Variants in CHN2 observed in about 807,000 individuals in gnomAD.
The protein encoded by CHN2 is beta-chimaerin.
In CHN2, 35 loss-of-function variants were observed where a neutral mutation model predicts 56.3. That is an observed-to-expected ratio of 0.62 (90% CI 0.47 to 0.82). The LOEUF is 0.82. Ranked by LOEUF, CHN2 falls within the 40% of genes least tolerant of loss-of-function variation. The pLI is 0.00. For synonymous variants in CHN2, 210 were observed against 212.8 expected, an observed-to-expected ratio of 0.99 and a Z score of 0.12; for missense variants, 491 against 580.5, an observed-to-expected ratio of 0.85 and a Z score of 1.58.
intron 6 of CHN2, among the ~76,000 whole-genome samples, chr7:29,423,172 G>A (rs896833929): frequency 6.6e-5 from 10 of 152,186 alleles, no homozygotes; most frequent in Admixed American, 4.6e-4. Context: ...GAGAAAAGAA[G>A]GAAATGACGG....
At chr7:29,481,394 C>T (rs1353212619) in intron 7 of CHN2, among the ~76,000 whole-genome samples, 4 of 152,148 alleles carry the variant, frequency 2.6e-5, no homozygotes, top group South Asian at 2.1e-4. Flanking sequence ...TGTTGCTTTC[C>T]GATCCTTTCT....
intron 3 of CHN2, among the ~76,000 whole-genome samples, chr7:29,392,272 G>A (rs1002017958): frequency 2.0e-5 from 3 of 152,134 alleles, no homozygotes; most frequent in Non-Finnish European, 2.9e-5. Flanking sequence ...TTTGAAAGCC[G>A]AAAGACTGAT....
chr7:29,490,883 T>C (rs1016592735), intron 7 of CHN2, among the ~76,000 whole-genome samples: 2 of 152,200 alleles, frequency 1.3e-5, no homozygotes, highest in African/African-American at 4.8e-5. Flanking sequence ...TTTTGAAAAG[T>C]GTGTGTGTTC....
chr7:29,212,782 T>C, intron 1 of CHN2: 1 of 1,610,100 alleles, frequency 6.2e-7, no homozygotes, highest in Non-Finnish European at 8.5e-7. Flanking sequence ...GGCCGAAGAA[T>C]AGCAATGGTG....
chr7:29,178,673 G>T (rs529970638), intron 2 of CHN2, among the ~76,000 whole-genome samples: 1 of 152,228 alleles, frequency 6.6e-6, no homozygotes, highest in East Asian at 1.9e-4. Context: ...TATTCTCAGG[G>T]TCTATACCTA....
chr7:29,432,152 A>G (rs1782901666), intron 6 of CHN2, among the ~76,000 whole-genome samples: 1 of 152,118 alleles, frequency 6.6e-6, no homozygotes, highest in African/African-American at 2.4e-5. Context: ...GTGGGATCTA[A>G]GAGTTGTGAA....
At chr7:29,379,199 C>A (rs557059336) in intron 3 of CHN2, among the ~76,000 whole-genome samples, 5 of 152,240 alleles carry the variant, frequency 3.3e-5, no homozygotes, top group African/African-American at 9.6e-5. Context: ...ATGAAAGAGG[C>A]CAAAGCAGTT....
chr7:29,161,088 A>G (rs1795110754), intron 2 of CHN2, among the ~76,000 whole-genome samples: 1 of 152,192 alleles, frequency 6.6e-6, no homozygotes, highest in East Asian at 1.9e-4. Context: ...ACTTCTTACC[A>G]GATATTATCT....
intron 3 of CHN2, among the ~76,000 whole-genome samples, chr7:29,388,323 A>C (rs1024371349): frequency 6.6e-6 from 1 of 152,200 alleles, no homozygotes; most frequent in African/African-American, 2.4e-5. Context: ...TGGTGAGATA[A>C]GTTTTCTAAT....
chr7:29,240,293 G>C (rs1787551308), intron 1 of CHN2, among the ~76,000 whole-genome samples: 1 of 152,170 alleles, frequency 6.6e-6, no homozygotes, highest in African/African-American at 2.4e-5. Flanking sequence ...AGAGCATTTG[G>C]TCCCCTTTCC....
intron 7 of CHN2, among the ~76,000 whole-genome samples, chr7:29,488,408 G>A (rs1362977195): frequency 6.6e-6 from 1 of 152,132 alleles, no homozygotes; most frequent in African/African-American, 2.4e-5. Context: ...CGCAGGATAG[G>A]CTGCCTGCCC....
At chr7:29,490,766 A>T (rs116888846) in intron 7 of CHN2, among the ~76,000 whole-genome samples, 64 of 152,248 alleles carry the variant, frequency 4.2e-4, no homozygotes, top group Admixed American at 1.5e-3. Context: ...TTGGCTCTCT[A>T]TTTGAAATGT....
intron 3 of CHN2, among the ~76,000 whole-genome samples, chr7:29,390,598 G>A (rs983470706): frequency 1.3e-5 from 2 of 152,226 alleles, no homozygotes; most frequent in Non-Finnish European, 2.9e-5. Flanking sequence ...GAATTTCTGA[G>A]TTGCCTTACT....
At chr7:29,452,069 A>C (rs950908268) in intron 6 of CHN2, among the ~76,000 whole-genome samples, 3 of 152,216 alleles carry the variant, frequency 2.0e-5, no homozygotes, top group African/African-American at 7.2e-5. Flanking sequence ...CACTTGATTT[A>C]ATGCCCTGCT....
In CHN2 at chr7:29,400,609, G is replaced by A; in HGVS notation, c.357G>A (p.Arg119=). The part of the protein sequence containing the change: ...HDGKHFVGEK[R]FESIHDLVTD... ...GGAAACACTTTGTGGGTGAGAAGAG[G>A]TTTGAGTCGATTCATGATCTGGTGA... The change falls in exon 6 of 13, where the codon AGG becomes AGA. Residue 119 remains arginine, a synonymous_variant. Transcript: ENST00000222792. The A allele has an allele frequency of 6.2e-7, 1 of 1,614,172 alleles. No homozygotes were observed. The highest frequency in any genetic ancestry group is 1.1e-5 in the South Asian group (1 of 91,080).
intron 6 of CHN2, among the ~76,000 whole-genome samples, chr7:29,436,179 A>G (rs1215358728): frequency 1.3e-5 from 2 of 151,988 alleles, no homozygotes; most frequent in Non-Finnish European, 2.9e-5. Flanking sequence ...GAAAGGGCAT[A>G]TTCTGATTGG....
intron 6 of CHN2, among the ~76,000 whole-genome samples, chr7:29,455,782 G>A (rs903800261): frequency 6.6e-6 from 1 of 152,166 alleles, no homozygotes; most frequent in African/African-American, 2.4e-5. Flanking sequence ...CTTGTCTGAG[G>A]ACCGTGGTTT....
chr7:29,446,952 C>T (rs185742714), intron 6 of CHN2, among the ~76,000 whole-genome samples: 47 of 152,246 alleles, frequency 3.1e-4, no homozygotes, highest in East Asian at 2.7e-3. Context: ...CAGATCCGCC[C>T]GGCAGATCAC....
At chr7:29,328,140 C>G (rs1024865279) in intron 1 of CHN2, among the ~76,000 whole-genome samples, 31 of 152,180 alleles carry the variant, frequency 2.0e-4, no homozygotes, top group African/African-American at 7.5e-4. Flanking sequence ...GTCTTCATTT[C>G]TGCTCGGCCT....
Sources: allele counts gnomAD v4.1 joint callset (sites outside exome capture counted in the v4.1 genomes callset), GRCh38; gene constraint gnomAD v4.1.1; transcripts MANE v1.5; gene names NCBI Gene and HGNC (gene_info 2026-07-23, HGNC 2026-07-21).